Variants in AGTPBP1 observed in about 807,000 individuals in gnomAD.
The protein encoded by AGTPBP1 is cytosolic carboxypeptidase 1.
A neutral mutation model predicts 143.9 loss-of-function variants in AGTPBP1; 70 were observed. The observed-to-expected ratio is 0.49, with a 90% confidence interval of 0.40 to 0.59. The LOEUF is 0.59. Ranked by LOEUF, AGTPBP1 falls within the 20% of genes least tolerant of loss-of-function variation. The pLI is 0.00. For missense variants in AGTPBP1, 1,229 were observed against 1,464.5 expected (o/e 0.84, Z 2.62); for synonymous variants, 463 against 500.2 (o/e 0.93, Z 0.99).
chr9:85,589,734 T>C, intron 19 of AGTPBP1, 53 bp from the exon 20 acceptor site: 1 of 1,494,870 alleles, frequency 6.7e-7, no homozygotes, highest in Non-Finnish European at 9.0e-7. Flanking sequence ...GTCCCTATGA[T>C]ATACAGAAAT....
At chr9:85,728,147 T>C (rs1192236427) in intron 1 of AGTPBP1, among the ~76,000 whole-genome samples, 1 of 152,026 alleles carries the variant, frequency 6.6e-6, no homozygotes, top group Non-Finnish European at 1.5e-5. Flanking sequence ...TCTTAAAACG[T>C]TTCCATTGTT....
At chr9:85,601,703 C>T (rs1040386856) in intron 17 of AGTPBP1, among the ~76,000 whole-genome samples, 17 of 152,232 alleles carry the variant, frequency 1.1e-4, no homozygotes, top group African/African-American at 4.1e-4. Flanking sequence ...AAAGCTGCAA[C>T]TGCCAGCATC....
chr9:85,592,676 C>T lies in AGTPBP1; in HGVS notation c.2452G>A (p.Ala818Thr), dbSNP rs748405400. 4.3e-6 allele frequency: 7 copies of T among 1,611,030 alleles called. No homozygotes were observed. In the South Asian group the frequency reaches 7.8e-5, roughly 18 times the overall value. Residue 818 changes from alanine to threonine, a missense_variant, in exon 19 of 26, where the codon GCA becomes ACA. Physicochemically the swap from Ala to Thr is moderately conservative, Grantham distance 58 (BLOSUM62 0). This residue lies in a region of AGTPBP1 where 486 missense variants were observed against 652.3 expected (regional missense o/e 0.75). Coordinates refer to ENST00000357081, the MANE Select transcript of AGTPBP1 (RefSeq NM_001330701.2). Reference protein sequence around the residue: ...KNHFSRSSVAAGGQKGKSYYT... With the variant: ...KNHFSRSSVATGGQKGKSYYT... ...TAGGATTTTCCCTTTTGCCCACCTG[C>T]AGCAACTGAACTTCTTGAGAAATGA...
chr9:85,702,120 G>A (rs969942657), intron 2 of AGTPBP1, among the ~76,000 whole-genome samples: 1 of 152,204 alleles, frequency 6.6e-6, no homozygotes, highest in Non-Finnish European at 1.5e-5. Flanking sequence ...GACACAGCCT[G>A]TGTGTTTTAA....
intron 2 of AGTPBP1, among the ~76,000 whole-genome samples, chr9:85,703,572 C>T (rs1836805176): frequency 6.6e-6 from 1 of 152,206 alleles, no homozygotes; most frequent in Non-Finnish European, 1.5e-5. Context: ...TTATGGCTTG[C>T]ACTTCTGCGT....
intron 13 of AGTPBP1, 58 bp from the exon 14 acceptor site, chr9:85,633,432 A>C: frequency 7.9e-7 from 1 of 1,266,862 alleles, no homozygotes; most frequent in South Asian, 1.7e-5. Context: ...CATATTAACA[A>C]AACTAATACA....
chr9:85,763,931 A>G, the AGTPBP1 span, among the ~76,000 whole-genome samples: 1 of 152,180 alleles, frequency 6.6e-6, no homozygotes, highest in African/African-American at 2.4e-5. Flanking sequence ...CTGAAATTTG[A>G]CCATAGTGAA....
chr9:85,761,553 G>A, the AGTPBP1 span, among the ~76,000 whole-genome samples: 643 of 152,268 alleles, frequency 4.2e-3, 3 homozygotes, highest in Non-Finnish European at 7.2e-3. Flanking sequence ...AATGGTGCTG[G>A]GAAAACTGGC....
intron 1 of AGTPBP1, among the ~76,000 whole-genome samples, chr9:85,717,125 A>T (rs1000623147): frequency 2.0e-5 from 3 of 152,102 alleles, no homozygotes; most frequent in African/African-American, 7.2e-5. Flanking sequence ...CTACCTCCAG[A>T]CCCTAGCATA....
chr9:85,660,914 T>C (rs1233635857), intron 9 of AGTPBP1, 22 bp downstream of exon 9: 1 of 1,526,086 alleles, frequency 6.6e-7, no homozygotes, highest in Non-Finnish European at 8.9e-7. Context: ...GTATCTAGTA[T>C]TTCTAGTATT....
chr9:85,650,033 TA>T (rs1393226428), intron 11 of AGTPBP1, among the ~76,000 whole-genome samples: 1 of 144,212 alleles, frequency 6.9e-6, no homozygotes, highest in Non-Finnish European at 1.5e-5. Flanking sequence ...TGCTAGCTTC[TA>T]AACTTTCCTT....
chr9:85,673,591 A>G (rs980114556), intron 6 of AGTPBP1, among the ~76,000 whole-genome samples: 1 of 152,194 alleles, frequency 6.6e-6, no homozygotes, highest in African/African-American at 2.4e-5. Flanking sequence ...AAACAGTAAA[A>G]AAAATTTTAA....
chr9:85,741,624 G>GT, intron 1 of AGTPBP1, 151 bp downstream of exon 1: 1 of 1,240,656 alleles, frequency 8.1e-7, no homozygotes, highest in Non-Finnish European at 1.0e-6. Context: ...CGTCACATGT[G>GT]TAACATGCGT....
rs536065051 is a variant in AGTPBP1 at position 85,662,661 on chromosome 9, T to C, written c.663-1688A>G. On this transcript the variant is annotated intron_variant, in intron 8 of 25. Transcript: ENST00000357081. ...GGTGCTTTATATATGTGTTTTCTAG[T>C]TTCCTTCTTAAAACAATTTTGTTCC... 9.2e-5 allele frequency among the ~76,000 whole-genome samples: 14 copies of C among 152,280 alleles called. 1 individual carries two copies. In the South Asian group the frequency reaches 1.4e-3, roughly 16 times the overall value.
At chr9:85,657,683 G>A in intron 9 of AGTPBP1, 40 bp from the exon 10 acceptor site, 1 of 1,460,940 alleles carries the variant, frequency 6.8e-7, no homozygotes, top group Non-Finnish European at 9.4e-7. Flanking sequence ...TTTTTTAAAT[G>A]ACGAGAGTGA....
chr9:85,701,632 G>A (rs977075008), intron 2 of AGTPBP1, among the ~76,000 whole-genome samples: 1 of 152,126 alleles, frequency 6.6e-6, no homozygotes, highest in African/African-American at 2.4e-5. Context: ...ATGAACAGAA[G>A]ACAATGTAAA....
chr9:85,665,167 T>A (rs527413012), intron 8 of AGTPBP1, among the ~76,000 whole-genome samples: 12 of 152,310 alleles, frequency 7.9e-5, no homozygotes, highest in Admixed American at 3.3e-4. Context: ...ATGTAACTAG[T>A]TAAGGCAAGG....
At chr9:85,603,531 C>T (rs984378960) in intron 17 of AGTPBP1, among the ~76,000 whole-genome samples, 2 of 152,202 alleles carry the variant, frequency 1.3e-5, no homozygotes, top group South Asian at 4.1e-4. Context: ...GTTCTCACTG[C>T]AAGCCTTGGG....
intron 13 of AGTPBP1, among the ~76,000 whole-genome samples, chr9:85,634,390 A>G (rs1158548757): frequency 6.6e-6 from 1 of 152,142 alleles, no homozygotes; most frequent in Non-Finnish European, 1.5e-5. Flanking sequence ...TAGAGCACAT[A>G]GCTCCCAGAG....
Sources: gnomAD v4.1 joint callset for allele counts (sites outside exome capture counted in the v4.1 genomes callset) on GRCh38, gnomAD v4.1.1 for gene constraint, gnomAD v4.1.1 regional missense constraint, MANE v1.5 for transcripts, NCBI Gene and HGNC (gene_info 2026-07-23, HGNC 2026-07-21) for gene names.